Variants in ZNF236 observed in about 807,000 individuals in gnomAD.
The protein encoded by ZNF236 is zinc finger protein 236, also known as regulated by glucose.
A neutral mutation model predicts 191.2 loss-of-function variants in ZNF236; 50 were observed. The observed-to-expected ratio is 0.26, with a 90% CI of 0.21 to 0.33. The LOEUF is 0.33. Ranked by LOEUF, ZNF236 falls within the 10% of genes least tolerant of loss-of-function variation. The probability of loss-of-function intolerance (pLI) is 1.00; values close to 1 mark genes in which losing one functional copy is unlikely to be tolerated. For synonymous variants in ZNF236, 907 were observed against 928.8 expected, an observed-to-expected ratio of 0.98 and a Z score of 0.43; for missense variants, 1,754 against 2,374.5, an observed-to-expected ratio of 0.74 and a Z score of 5.43.
chr18:76,878,237 C>A (rs1976770659), intron 7 of ZNF236, 85 bp downstream of exon 7: 8 of 1,312,946 alleles, frequency 6.1e-6, no homozygotes, highest in Admixed American at 2.7e-5. Flanking sequence ...TATTTAGTAG[C>A]AAAAAGGTGC....
At chr18:76,826,514 G>A (rs1045604447) in intron 1 of ZNF236, among the ~76,000 whole-genome samples, 5 of 151,300 alleles carry the variant, frequency 3.3e-5, no homozygotes, top group Non-Finnish European at 5.9e-5. Flanking sequence ...TTTTAGGCCT[G>A]TCATGGTGGC....
chr18:76,897,121 C>T (rs990751883), intron 10 of ZNF236, among the ~76,000 whole-genome samples: 4 of 151,310 alleles, frequency 2.6e-5, no homozygotes, highest in Admixed American at 6.6e-5. Flanking sequence ...ACACACAGTA[C>T]TGCACTTAGG....
intron 1 of ZNF236, among the ~76,000 whole-genome samples, chr18:76,841,910 G>A (rs1306322817): frequency 1.1e-4 from 16 of 151,960 alleles, no homozygotes; most frequent in Non-Finnish European, 1.0e-4. Context: ...TGTTGGCCAG[G>A]TTGGTCTGAA....
In ZNF236 at chr18:76,847,941, T is replaced by A. The variant is rs189727737; in HGVS notation, c.56-1585T>A. 5.3e-5 allele frequency among the ~76,000 whole-genome samples: 8 copies of A among 152,348 alleles called. No homozygotes were observed. In the East Asian group the frequency reaches 1.5e-3, roughly 29 times the overall value. On this transcript the variant is annotated intron_variant, in intron 1 of 30. Coordinates refer to ENST00000320610, the MANE Select transcript of ZNF236 (RefSeq NM_001306089.2). ...TCTTAGTAGACTCACTTTTTATGTA[T>A]GAAGTTGCAGTCTTTTGAATTGCAT...
chr18:76,846,954 C>T (rs1975704064), intron 1 of ZNF236, among the ~76,000 whole-genome samples: 1 of 151,986 alleles, frequency 6.6e-6, no homozygotes, highest in South Asian at 2.1e-4. Context: ...GCCATCAAGC[C>T]CGGCTAATTT....
Position 76,955,968 on chromosome 18 carries a change from T to G in ZNF236, c.4915-17T>G. 6.2e-7 allele frequency: 1 copy of G among 1,602,208 alleles called. No individual in the cohort carries two copies. Among genetic ancestry groups the G allele is most frequent in the South Asian group, 1.1e-5 (1 of 88,964 alleles). On this transcript the variant is annotated splice_polypyrimidine_tract_variant and intron_variant, in intron 27 of 30. Coordinates refer to ENST00000320610, the MANE Select transcript of ZNF236 (RefSeq NM_001306089.2). Reference sequence around the variant, plus strand: ...AAGCCAAGTGAGTGGAAAGTCACAATTTCTGGCTCTTTCCAGGTAGCTGGC... The same window carrying G: ...AAGCCAAGTGAGTGGAAAGTCACAAGTTCTGGCTCTTTCCAGGTAGCTGGC...
At chr18:76,896,666 CAG>C (rs1195472701) in intron 10 of ZNF236, among the ~76,000 whole-genome samples, 1 of 150,372 alleles carries the variant, frequency 6.7e-6, no homozygotes, top group Non-Finnish European at 1.5e-5. Flanking sequence ...AGTACACAAA[CAG>C]AGTACTGCAC....
At position 76,956,223 on chromosome 18, in the gene ZNF236, G is replaced by A. The variant is rs570748925; in HGVS notation, c.5112+41G>A. Reference sequence around the variant, plus strand: ...CAGGGCACAGCTGTGTGCCCCCCAGGCGGCTAGAGATGCGGAGTCCAAGAT... The same window carrying A: ...CAGGGCACAGCTGTGTGCCCCCCAGACGGCTAGAGATGCGGAGTCCAAGAT... On this transcript the variant is annotated intron_variant, in intron 28 of 30. Transcript: ENST00000320610. The A allele has an allele frequency of 7.8e-6, 12 of 1,537,838 alleles. No individual in the cohort carries two copies. The East Asian group carries it at 2.9e-4, about 38-fold the overall frequency.
chr18:76,845,105 A>C (rs891879014), intron 1 of ZNF236, among the ~76,000 whole-genome samples: 1 of 152,244 alleles, frequency 6.6e-6, no homozygotes, highest in Non-Finnish European at 1.5e-5. Context: ...ATATTTATGT[A>C]AAGCCTTAAA....
chr18:76,915,498 CTTTTT>C, intron 18 of ZNF236, 144 bp from the exon 19 acceptor site: 1 of 621,912 alleles, frequency 1.6e-6, no homozygotes, highest in South Asian at 2.4e-5. Flanking sequence ...TTGTAATTTA[CTTTTT>C]TTTTTTTTTA....
At chr18:76,848,157 A>G (rs1024638863) in intron 1 of ZNF236, among the ~76,000 whole-genome samples, 15 of 152,172 alleles carry the variant, frequency 9.9e-5, no homozygotes, top group Non-Finnish European at 1.6e-4. Context: ...TTTGGCAGAA[A>G]TGGGAACTGC....
chr18:76,906,285 T>C (rs973850416), intron 13 of ZNF236, among the ~76,000 whole-genome samples: 16 of 152,344 alleles, frequency 1.1e-4, no homozygotes, highest in African/African-American at 3.4e-4. Context: ...GAAATTTACC[T>C]GCTGCTTGAG....
intron 17 of ZNF236, 57 bp from the exon 18 acceptor site, chr18:76,913,690 T>A: frequency 6.3e-7 from 1 of 1,575,282 alleles, no homozygotes; most frequent in Non-Finnish European, 8.7e-7. Context: ...TCAGGTGCTG[T>A]ATTTGTAATT....
intron 18 of ZNF236, 138 bp downstream of exon 18, chr18:76,914,036 C>A: frequency 1.1e-6 from 1 of 919,394 alleles, no homozygotes; most frequent in Non-Finnish European, 1.6e-6. Flanking sequence ...AGTTCTGCAA[C>A]CATCAAAACT....
At chr18:76,856,894 A>C (rs1379384250) in intron 3 of ZNF236, among the ~76,000 whole-genome samples, 4 of 152,186 alleles carry the variant, frequency 2.6e-5, no homozygotes, top group African/African-American at 9.7e-5. Flanking sequence ...CCAATTCTAA[A>C]ATTATTTTCT....
intron 18 of ZNF236, among the ~76,000 whole-genome samples, chr18:76,915,078 A>AT (rs991355988): frequency 6.6e-6 from 1 of 152,218 alleles, no homozygotes; most frequent in African/African-American, 2.4e-5. Context: ...TATGACTTTT[A>AT]TAAGGAACGG....
Position 76,960,495 on chromosome 18 carries a change from G to T in ZNF236, c.5243-184G>T, listed in dbSNP as rs116736204. 0.016 allele frequency among the ~76,000 whole-genome samples: 2,387 copies of T among 152,240 alleles called. 35 individuals carry two copies. The highest frequency in any genetic ancestry group is 0.036 in the African/African-American group (1,486 of 41,538). ...CCGCCCCATCTGCTGGGGGTCGTTAGGACCTGGCCAGGCTCCCTCTGGTCT... is the reference window on the plus strand; with the variant it reads ...CCGCCCCATCTGCTGGGGGTCGTTATGACCTGGCCAGGCTCCCTCTGGTCT... On this transcript the variant is annotated intron_variant, in intron 29 of 30. Transcript: ENST00000320610. This position sits in a 1 kb window ranked among gnomAD's most constrained non-coding sequence, Gnocchi z 4.4.
rs1336447841 is a variant in ZNF236 at position 76,972,449 on chromosome 18, T to TCACCCTCACACTCACCCACA, written c.*4128_*4147dup. Among the ~76,000 whole-genome samples, 2 of 151,106 alleles carry TCACCCTCACACTCACCCACA rather than the reference T, an allele frequency of 1.3e-5. No individual in the cohort carries two copies. Among genetic ancestry groups the TCACCCTCACACTCACCCACA allele is most frequent in the African/African-American group, 2.4e-5 (1 of 41,116 alleles). On this transcript the variant is annotated 3_prime_UTR_variant, in exon 31 of 31. Transcript: ENST00000320610. ...CACCCTCACACACTCACCCACACAC[T>TCACCCTCACACTCACCCACA]CACCCTCACACTCACCCACACACCC...
intron 11 of ZNF236, among the ~76,000 whole-genome samples, chr18:76,901,846 G>T (rs1211284161): frequency 6.6e-6 from 1 of 152,152 alleles, no homozygotes. Context: ...CTGTTTTTGA[G>T]CATAGAATGG....
Sources: gnomAD v4.1 joint callset for allele counts (sites outside exome capture counted in the v4.1 genomes callset) on GRCh38, gnomAD v4.1.1 for gene constraint, Gnocchi (gnomAD v3.1) non-coding constraint, MANE v1.5 for transcripts, NCBI Gene and HGNC (gene_info 2026-07-23, HGNC 2026-07-21) for gene names.